Variants in SUGCT observed in about 807,000 individuals in gnomAD.
SUGCT encodes the protein succinyl-CoA:glutarate-CoA transferase, also known as succinyl-CoA:glutarate CoA-transferase.
A neutral mutation model predicts 55.0 loss-of-function variants in SUGCT; 41 were observed. The observed-to-expected ratio is 0.74, with a 90% CI of 0.58 to 0.97. SUGCT has a LOEUF of 0.97. Ranked by LOEUF, SUGCT falls within the 50% of genes least tolerant of loss-of-function variation. The probability of loss-of-function intolerance (pLI) is 0.00; values close to 1 mark genes in which losing one functional copy is unlikely to be tolerated. For synonymous variants in SUGCT, 187 were observed against 200.4 expected (o/e 0.93, Z 0.56); for missense variants, 568 against 547.8 (o/e 1.04, Z -0.37).
At chr7:41,030,209 G>T in the SUGCT span, among the ~76,000 whole-genome samples, 304 of 151,732 alleles carry the variant, frequency 2.0e-3, no homozygotes, top group African/African-American at 6.6e-3. Flanking sequence ...ACTGCCATGT[G>T]CAGGTTTTTA....
intron 11 of SUGCT, among the ~76,000 whole-genome samples, chr7:40,463,335 G>A (rs1398141215): frequency 6.6e-6 from 1 of 152,146 alleles, no homozygotes; most frequent in Non-Finnish European, 1.5e-5. Flanking sequence ...CGAAGACAGT[G>A]AAAACAGAAG....
intron 9 of SUGCT, among the ~76,000 whole-genome samples, chr7:40,367,022 C>T (rs954380407): frequency 2.0e-5 from 3 of 152,080 alleles, no homozygotes; most frequent in African/African-American, 7.2e-5. Context: ...ACCCAAATGT[C>T]CAACAATGAT....
At chr7:40,870,231 T>C in the SUGCT span, among the ~76,000 whole-genome samples, 2 of 152,298 alleles carry the variant, frequency 1.3e-5, no homozygotes, top group Non-Finnish European at 2.9e-5. Context: ...TACATGGCTG[T>C]GCTCTCTGTG....
chr7:41,026,172 C>T, the SUGCT span, among the ~76,000 whole-genome samples: 6 of 152,236 alleles, frequency 3.9e-5, no homozygotes, highest in Non-Finnish European at 8.8e-5. Context: ...GTAGGTCTTC[C>T]TGACTAATAA....
At chr7:40,248,020 T>G (rs892251735) in intron 7 of SUGCT, among the ~76,000 whole-genome samples, 3 of 150,352 alleles carry the variant, frequency 2.0e-5, no homozygotes, top group African/African-American at 7.3e-5. Context: ...TTTGTTTTTT[T>G]TTTTTTTTGA....
chr7:40,919,034 A>C, the SUGCT span, among the ~76,000 whole-genome samples: 1 of 152,232 alleles, frequency 6.6e-6, no homozygotes, highest in Non-Finnish European at 1.5e-5. Flanking sequence ...TTTCACAGGC[A>C]TGGAGCGCCA....
intron 13 of SUGCT, among the ~76,000 whole-genome samples, chr7:40,807,082 G>GC (rs1791141093): frequency 6.6e-6 from 1 of 152,224 alleles, no homozygotes; most frequent in African/African-American, 2.4e-5. Context: ...ATTGGTAATA[G>GC]CAGTAGTGTT....
At chr7:40,430,620 C>G (rs12701821) in intron 9 of SUGCT, among the ~76,000 whole-genome samples, 1 of 152,006 alleles carries the variant, frequency 6.6e-6, no homozygotes, top group Non-Finnish European at 1.5e-5. Flanking sequence ...AGTTGCTGGT[C>G]TGTTTTGTTT....
At chr7:40,460,210 T>G (rs1789716240) in intron 11 of SUGCT, among the ~76,000 whole-genome samples, 1 of 152,206 alleles carries the variant, frequency 6.6e-6, no homozygotes, top group Non-Finnish European at 1.5e-5. Context: ...TTTGAAATAC[T>G]TTTGTAACTT....
chr7:40,920,128 C>A, the SUGCT span, among the ~76,000 whole-genome samples: 1 of 152,212 alleles, frequency 6.6e-6, no homozygotes, highest in Non-Finnish European at 1.5e-5. Flanking sequence ...TTCCATAGTC[C>A]CCTATACATT....
At chr7:40,294,445 A>G (rs1308930690) in intron 8 of SUGCT, among the ~76,000 whole-genome samples, 2 of 152,210 alleles carry the variant, frequency 1.3e-5, no homozygotes, top group Non-Finnish European at 2.9e-5. Context: ...GGCCATAGAC[A>G]TGAACCTCAA....
intron 9 of SUGCT, among the ~76,000 whole-genome samples, chr7:40,376,556 T>G (rs1051855442): frequency 1.3e-5 from 2 of 152,000 alleles, no homozygotes; most frequent in Non-Finnish European, 2.9e-5. Context: ...CATGCCCGGC[T>G]AATTTTTCTA....
intron 12 of SUGCT, among the ~76,000 whole-genome samples, chr7:40,677,897 C>A (rs1354372695): frequency 6.6e-6 from 1 of 152,070 alleles, no homozygotes; most frequent in Admixed American, 6.5e-5. Context: ...TACATGTTGG[C>A]CTGGGCTGCA....
At chr7:40,395,762 G>A (rs2151311164) in intron 9 of SUGCT, among the ~76,000 whole-genome samples, 1 of 152,106 alleles carries the variant, frequency 6.6e-6, no homozygotes, top group East Asian at 1.9e-4. Context: ...CTGTCATCCA[G>A]GTGTTCTGAG....
intron 9 of SUGCT, among the ~76,000 whole-genome samples, chr7:40,447,796 T>G (rs1327710017): frequency 6.6e-6 from 1 of 152,054 alleles, no homozygotes; most frequent in Non-Finnish European, 1.5e-5. Context: ...AGGAAAACAG[T>G]CTTTTTTCTT....
chr7:40,282,086 G>A (rs530374999), intron 8 of SUGCT, among the ~76,000 whole-genome samples: 12 of 151,802 alleles, frequency 7.9e-5, no homozygotes, highest in African/African-American at 1.7e-4. Flanking sequence ...ATGAGCCACC[G>A]CACCCAGCCT....
At chr7:40,650,403 T>A (rs1448964205) in intron 12 of SUGCT, among the ~76,000 whole-genome samples, 4 of 152,190 alleles carry the variant, frequency 2.6e-5, no homozygotes, top group Admixed American at 6.5e-5. Flanking sequence ...ACATGTTGGT[T>A]TCAGCTCTCT....
chr7:40,828,154 AC>A (rs1185318017), intron 13 of SUGCT, among the ~76,000 whole-genome samples: 42 of 152,340 alleles, frequency 2.8e-4, no homozygotes, highest in Non-Finnish European at 4.9e-4. Flanking sequence ...AGTAACAGTA[AC>A]CAGCAAGCAT....
chr7:40,166,929 T>G (rs1353971015), intron 1 of SUGCT, among the ~76,000 whole-genome samples: 1 of 151,778 alleles, frequency 6.6e-6, no homozygotes, highest in Admixed American at 6.6e-5. Context: ...TTCAAAGATA[T>G]GGAACATATG....
Sources: allele counts gnomAD v4.1 joint callset (sites outside exome capture counted in the v4.1 genomes callset), GRCh38; gene constraint gnomAD v4.1.1; transcripts MANE v1.5; gene names NCBI Gene and HGNC (gene_info 2026-07-23, HGNC 2026-07-21).